DPP10: variants seen among roughly 807,000 people sequenced by gnomAD.
DPP10 encodes the protein dipeptidyl peptidase like 10.
Under a neutral mutation model 120.9 loss-of-function variants are expected in DPP10, and 33 were observed. The ratio of observed to expected loss-of-function variants is 0.27; its 90% CI spans 0.21 to 0.37. The LOEUF is 0.37. DPP10 is among the 10% of genes least tolerant of loss of function. The pLI, the probability that DPP10 is intolerant of heterozygous loss-of-function variation, is 1.00. For missense variants in DPP10, 816 were observed against 942.8 expected, an observed-to-expected ratio of 0.87 and a Z score of 1.76; for synonymous variants, 337 against 326.1, an observed-to-expected ratio of 1.03 and a Z score of -0.36.
intron 5 of DPP10, among the ~76,000 whole-genome samples, chr2:115,546,619 G>T (rs2079517831): frequency 6.6e-6 from 1 of 152,066 alleles, no homozygotes; most frequent in African/African-American, 2.4e-5. Flanking sequence ...TAAAATATAG[G>T]TGTTAGGGTA....
intron 3 of DPP10, among the ~76,000 whole-genome samples, chr2:115,410,042 T>C (rs1035985185): frequency 1.3e-5 from 2 of 152,206 alleles, no homozygotes; most frequent in African/African-American, 4.8e-5. Context: ...TTAATTTTTG[T>C]ATAAGGTGTA....
chr2:114,819,485 AATTG>A (rs1685912199), intron 1 of DPP10, among the ~76,000 whole-genome samples: 1 of 152,140 alleles, frequency 6.6e-6, no homozygotes, highest in East Asian at 1.9e-4. Context: ...ATAAAAATAA[AATTG>A]ATTGAGTTGA....
At chr2:115,003,642 TACA>T (rs1166965430) in intron 1 of DPP10, among the ~76,000 whole-genome samples, 4 of 152,164 alleles carry the variant, frequency 2.6e-5, no homozygotes, top group Non-Finnish European at 4.4e-5. Context: ...TTGTCATTTA[TACA>T]ACATGAACAA....
chr2:115,382,174 G>A (rs941089274), intron 3 of DPP10, among the ~76,000 whole-genome samples: 1 of 152,184 alleles, frequency 6.6e-6, no homozygotes, highest in African/African-American at 2.4e-5. Flanking sequence ...CCACCTTGCA[G>A]TTTGATCTCA....
intron 3 of DPP10, among the ~76,000 whole-genome samples, chr2:115,438,253 T>G (rs2104839385): frequency 6.6e-6 from 1 of 152,212 alleles, no homozygotes; most frequent in Middle Eastern, 3.4e-3. Flanking sequence ...ATAACAAGTG[T>G]TAACAAGGAT....
intron 1 of DPP10, among the ~76,000 whole-genome samples, chr2:114,568,523 G>A (rs1162672032): frequency 6.6e-6 from 1 of 152,074 alleles, no homozygotes; most frequent in Non-Finnish European, 1.5e-5. Flanking sequence ...TCTAGTCCAC[G>A]ATTTCTCAAT....
At chr2:115,154,859 G>A (rs1350721027) in intron 1 of DPP10, among the ~76,000 whole-genome samples, 1 of 151,360 alleles carries the variant, frequency 6.6e-6, no homozygotes, top group Non-Finnish European at 1.5e-5. Context: ...CAAGCTATTA[G>A]GTTGGTGTAA....
At chr2:115,772,457 A>G (rs1681589462) in intron 13 of DPP10, among the ~76,000 whole-genome samples, 1 of 152,148 alleles carries the variant, frequency 6.6e-6, no homozygotes, top group Non-Finnish European at 1.5e-5. Context: ...TGAAAGCAAA[A>G]TTTGTGAGTG....
At chr2:114,469,057 G>A (rs113968183) in intron 1 of DPP10, among the ~76,000 whole-genome samples, 1 of 152,282 alleles carries the variant, frequency 6.6e-6, no homozygotes, top group African/African-American at 2.4e-5. Flanking sequence ...TTTTTCGATA[G>A]GCATGCAAGA....
chr2:114,510,164 T>G (rs774647832), intron 1 of DPP10, among the ~76,000 whole-genome samples: 13 of 152,230 alleles, frequency 8.5e-5, no homozygotes, highest in Non-Finnish European at 7.3e-5. Context: ...ATTTGTAGAA[T>G]GAGTGCAGCA....
At chr2:115,572,129 A>AT (rs1415017991) in intron 5 of DPP10, among the ~76,000 whole-genome samples, 6 of 152,088 alleles carry the variant, frequency 3.9e-5, no homozygotes, top group Non-Finnish European at 5.9e-5. Flanking sequence ...AGATGTCTAC[A>AT]TTTTATCAAG....
chr2:115,753,497 G>A (rs1216148633), intron 11 of DPP10, among the ~76,000 whole-genome samples, 200 bp downstream of exon 11: 1 of 151,970 alleles, frequency 6.6e-6, no homozygotes, highest in Non-Finnish European at 1.5e-5. Flanking sequence ...TTGATGATAA[G>A]CAGAAGAGAA....
intron 1 of DPP10, among the ~76,000 whole-genome samples, chr2:114,745,271 T>A (rs943909913): frequency 1.7e-4 from 26 of 152,234 alleles, no homozygotes; most frequent in Admixed American, 1.3e-4. Flanking sequence ...AAGAAACATG[T>A]GGATGGAGGA....
intron 1 of DPP10, among the ~76,000 whole-genome samples, chr2:114,653,392 G>A (rs1401557234): frequency 6.6e-6 from 1 of 152,104 alleles, no homozygotes; most frequent in Non-Finnish European, 1.5e-5. Flanking sequence ...GGAGCCTGTG[G>A]AAACCGATTT....
chr2:115,018,008 A>G (rs1211816551), intron 1 of DPP10, among the ~76,000 whole-genome samples: 1 of 150,268 alleles, frequency 6.7e-6, no homozygotes, highest in Non-Finnish European at 1.5e-5. Context: ...ATAATAATAA[A>G]AAAAAAAAGA....
At chr2:115,429,977 C>T (rs188739539) in intron 3 of DPP10, among the ~76,000 whole-genome samples, 19 of 152,194 alleles carry the variant, frequency 1.2e-4, no homozygotes, top group Non-Finnish European at 2.4e-4. Context: ...TTATGACAAG[C>T]GCTAAAAGAA....
intron 5 of DPP10, among the ~76,000 whole-genome samples, chr2:115,625,136 A>G (rs1269519917): frequency 6.6e-6 from 1 of 152,152 alleles, no homozygotes; most frequent in Non-Finnish European, 1.5e-5. Flanking sequence ...GGGATTGATA[A>G]TACGTTGAAT....
intron 1 of DPP10, among the ~76,000 whole-genome samples, chr2:115,004,602 G>T (rs1370542450): frequency 6.6e-6 from 1 of 152,224 alleles, no homozygotes; most frequent in Non-Finnish European, 1.5e-5. Flanking sequence ...AAAGAAAGGG[G>T]TGATGGACGG....
At chr2:115,525,137 A>G (rs1434016154) in intron 4 of DPP10, among the ~76,000 whole-genome samples, 3 of 151,994 alleles carry the variant, frequency 2.0e-5, no homozygotes, top group Non-Finnish European at 4.4e-5. Context: ...ATTTTATACT[A>G]TTTATTTTGT....
Sources: allele counts gnomAD v4.1 joint callset (sites outside exome capture counted in the v4.1 genomes callset), GRCh38; gene constraint gnomAD v4.1.1; transcripts MANE v1.5; gene names NCBI Gene and HGNC (gene_info 2026-07-23, HGNC 2026-07-21).